Variants in CPXM2 observed in about 807,000 individuals in gnomAD.
CPXM2 encodes the protein inactive carboxypeptidase-like protein X2.
In CPXM2, 66 loss-of-function variants were observed where a neutral mutation model predicts 86.1. The observed-to-expected ratio is 0.77, with a 90% CI of 0.63 to 0.94. The LOEUF (loss-of-function observed/expected upper bound fraction) is 0.94. Among genes scored for constraint, CPXM2 ranks in the 40% least tolerant of loss-of-function variants. CPXM2 has a pLI of 0.00. For synonymous variants in CPXM2, 388 were observed against 400.2 expected (o/e 0.97, Z 0.36); for missense variants, 948 against 1,026.3 (o/e 0.92, Z 1.04).
intron 10 of CPXM2, 87 bp downstream of exon 10, chr10:123,766,886 T>C: frequency 9.1e-7 from 1 of 1,101,372 alleles, no homozygotes; most frequent in Non-Finnish European, 1.4e-6. Flanking sequence ...TTTTGTCTCT[T>C]TCTTAAATGT....
chr10:123,812,662 G>C (rs113270038), intron 4 of CPXM2, among the ~76,000 whole-genome samples: 4,801 of 152,268 alleles, frequency 0.032, 253 homozygotes, highest in African/African-American at 0.11. Flanking sequence ...AACTGAGCTC[G>C]ACCTACTGTC....
At chr10:123,842,582 G>T in intron 3 of CPXM2, 94 bp from the exon 4 acceptor site, 1 of 1,249,654 alleles carries the variant, frequency 8.0e-7, no homozygotes. Flanking sequence ...AGGGAGGGAG[G>T]ATAGGAGAAG....
chr10:123,894,452 T>C (rs1356704827), upstream of CPXM2, among the ~76,000 whole-genome samples: 1 of 152,200 alleles, frequency 6.6e-6, no homozygotes. Flanking sequence ...TCGATTGCAC[T>C]GATGCCAGTT....
intron 3 of CPXM2, among the ~76,000 whole-genome samples, chr10:123,843,951 C>T (rs1341584523): frequency 6.6e-6 from 1 of 152,088 alleles, no homozygotes; most frequent in Non-Finnish European, 1.5e-5. Flanking sequence ...CCTGGTTTTG[C>T]CAGCCTGAAT....
At position 123,880,322 on chromosome 10, in the gene CPXM2, A is replaced by T. The variant is rs1042776182; in HGVS notation, c.305-13T>A. On this transcript the variant is annotated splice_polypyrimidine_tract_variant and intron_variant, in intron 1 of 13. Coordinates refer to ENST00000241305, the MANE Select transcript of CPXM2 (RefSeq NM_198148.3). ...TTGCTGTGTTTACCTAAAGGGGGAG[A>T]GAGAGATGCCTTTACTTTCACATAC... 3.4e-6 allele frequency: 4 copies of T among 1,172,570 alleles called. No homozygotes were observed. The highest frequency in any genetic ancestry group is 3.8e-4 in the Middle Eastern group (2 of 5,212). The allele number at this position is 1,172,570 out of a possible 1,614,324, so 72.6% of individuals were successfully genotyped here.
At chr10:123,758,901 C>T (rs1352423405) in intron 11 of CPXM2, among the ~76,000 whole-genome samples, 1 of 152,166 alleles carries the variant, frequency 6.6e-6, no homozygotes, top group African/African-American at 2.4e-5. Context: ...TCCTGCGATG[C>T]TCAGTATCAA....
chr10:123,791,075 G>A (rs1040498926), intron 6 of CPXM2, among the ~76,000 whole-genome samples: 3 of 152,060 alleles, frequency 2.0e-5, no homozygotes, highest in East Asian at 1.9e-4. Context: ...TCTGAGTATC[G>A]GTTTCCTGGG....
intron 2 of CPXM2, among the ~76,000 whole-genome samples, chr10:123,866,998 T>C (rs1425068946): frequency 7.2e-5 from 11 of 152,236 alleles, no homozygotes; most frequent in Non-Finnish European, 1.5e-4. Context: ...TCACAAATGC[T>C]ACTGCAACCC....
At chr10:123,806,592 A>G (rs1045751441) in intron 4 of CPXM2, among the ~76,000 whole-genome samples, 2 of 152,178 alleles carry the variant, frequency 1.3e-5, no homozygotes, top group African/African-American at 4.8e-5. Flanking sequence ...CCATTCTCAC[A>G]TTGCTATAAA....
At chr10:123,880,420 C>A in intron 1 of CPXM2, 111 bp from the exon 2 acceptor site, 1 of 658,846 alleles carries the variant, frequency 1.5e-6, no homozygotes, top group African/African-American at 1.8e-5. Flanking sequence ...CTTCTGCTCC[C>A]CTGTCCCTAA....
chr10:123,925,329 T>G (rs537978989), intron 2 of CPXM2, among the ~76,000 whole-genome samples: 3 of 152,282 alleles, frequency 2.0e-5, no homozygotes, highest in Admixed American at 1.3e-4. Flanking sequence ...CAGACCTCAT[T>G]AAGTAGTGGA....
chr10:123,866,253 C>T (rs1460881625), intron 2 of CPXM2, among the ~76,000 whole-genome samples: 4 of 152,138 alleles, frequency 2.6e-5, no homozygotes, highest in African/African-American at 9.7e-5. Flanking sequence ...CACTCAGCGT[C>T]CAATCACACG....
intron 2 of CPXM2, among the ~76,000 whole-genome samples, chr10:123,906,123 C>T (rs1165002501): frequency 6.6e-6 from 1 of 152,294 alleles, no homozygotes; most frequent in Admixed American, 6.5e-5. Flanking sequence ...CCTGTCTGCT[C>T]CTGCACCCAT....
intron 4 of CPXM2, among the ~76,000 whole-genome samples, chr10:123,819,528 G>A (rs1402388529): frequency 6.6e-6 from 1 of 152,144 alleles, no homozygotes; most frequent in Non-Finnish European, 1.5e-5. Flanking sequence ...ACATGCTTGT[G>A]CATGTTTACA....
intron 1 of CPXM2, among the ~76,000 whole-genome samples, chr10:123,883,994 G>A (rs922699058): frequency 3.3e-5 from 5 of 152,152 alleles, no homozygotes; most frequent in African/African-American, 1.2e-4. Context: ...TGGGCCACAT[G>A]TTCTATTCTG....
upstream of CPXM2, among the ~76,000 whole-genome samples, chr10:123,895,343 C>T (rs768836750): frequency 1.3e-5 from 2 of 152,018 alleles, no homozygotes; most frequent in Admixed American, 6.5e-5. Flanking sequence ...AGGCTGGTCT[C>T]GAACTTCTGA....
In CPXM2 at chr10:123,746,436, C is replaced by T. The variant is rs549424095; in HGVS notation, c.*328G>A. 2 of 326,222 alleles carry T rather than the reference C, an allele frequency of 6.1e-6. No homozygotes were observed. The highest frequency in any genetic ancestry group is 4.6e-5 in the Admixed American group (1 of 21,812). 20.2% of individuals were successfully genotyped at this position (326,222 alleles called of 1,614,324 possible). ...CGCAAACAGGGGAAGCACCAGAATC[C>T]TTTTCTATGCAGCCAGAGGCTCTGA... On this transcript the variant is annotated 3_prime_UTR_variant, in exon 14 of 14. Coordinates refer to ENST00000241305, the MANE Select transcript of CPXM2 (RefSeq NM_198148.3).
chr10:123,776,694 G>C (rs113951162), intron 7 of CPXM2: 1 of 152,130 alleles, frequency 6.6e-6, no homozygotes, highest in Admixed American at 6.5e-5. Context: ...TCCAATATTC[G>C]CTGAGAAACA....
At chr10:123,906,511 G>C (rs1945442704) in intron 2 of CPXM2, among the ~76,000 whole-genome samples, 1 of 152,148 alleles carries the variant, frequency 6.6e-6, no homozygotes, top group Non-Finnish European at 1.5e-5. Context: ...GCTTCACTCA[G>C]CTGCCTCTGA....
Sources: allele counts gnomAD v4.1 joint callset (sites outside exome capture counted in the v4.1 genomes callset), GRCh38; gene constraint gnomAD v4.1.1; transcripts MANE v1.5; gene names NCBI Gene and HGNC (gene_info 2026-07-23, HGNC 2026-07-21).